The following AKR1C4 variants were observed in gnomAD, a reference collection of about 807,000 sequenced individuals.
The protein encoded by AKR1C4 is 3-alpha-HSD1.
A neutral mutation model predicts 41.0 loss-of-function variants in AKR1C4; 44 were observed. That is an observed-to-expected ratio of 1.07 (90% CI 0.84 to 1.38). The LOEUF is 1.38. AKR1C4 is among the 40% of genes most tolerant of loss of function. The pLI, the probability that AKR1C4 is intolerant of heterozygous loss-of-function variation, is 0.00. For missense variants in AKR1C4, 438 were observed against 387.9 expected (o/e 1.13, Z -1.09); for synonymous variants, 165 against 137.7 (o/e 1.20, Z -1.39).
intron 1 of AKR1C4, among the ~76,000 whole-genome samples, 173 bp from the exon 2 acceptor site, chr10:5,200,008 T>G (rs61854739): frequency 0.12 from 18,374 of 152,166 alleles, 1,336 homozygotes; most frequent in Admixed American, 0.18. Flanking sequence ...CAACGGGTCA[T>G]AGTCCCACAA....
At chr10:5,209,123 C>T (rs1832531962) in intron 5 of AKR1C4, among the ~76,000 whole-genome samples, 1 of 152,098 alleles carries the variant, frequency 6.6e-6, no homozygotes, top group African/African-American at 2.4e-5. Flanking sequence ...ACAGATTGTC[C>T]CACAATTAGT....
At chr10:5,212,569 T>A in intron 5 of AKR1C4, 47 bp from the exon 6 acceptor site, 1 of 1,491,970 alleles carries the variant, frequency 6.7e-7, no homozygotes, top group Non-Finnish European at 9.2e-7. Flanking sequence ...TATATTAACA[T>A]ATCTGTTTTG....
At position 5,200,300 on chromosome 10, in the gene AKR1C4, G is replaced by A. The variant is rs1344506244; in HGVS notation, c.204G>A (p.Lys68=). The change falls in exon 2 of 9, where the codon AAG becomes AAA. Residue 68 remains lysine, a synonymous_variant. Transcript: ENST00000263126. ...AGGTTGGACTGGCCATCCGAAGCAAGATTGCAGATGGCAGTGTGAAGAGAG... is the reference window on the plus strand; with the variant it reads ...AGGTTGGACTGGCCATCCGAAGCAAAATTGCAGATGGCAGTGTGAAGAGAG... The part of the protein sequence containing the change: ...EEQVGLAIRS[K]IADGSVKRED... 3 of 1,614,206 alleles carry A rather than the reference G, an allele frequency of 1.9e-6. No homozygotes were observed. Among genetic ancestry groups the A allele is most frequent in the Non-Finnish European group, 2.5e-6 (3 of 1,180,006 alleles).
intron 8 of AKR1C4, 45 bp from the exon 9 acceptor site, chr10:5,218,673 A>G (rs1486080054): frequency 6.7e-7 from 1 of 1,485,808 alleles, no homozygotes; most frequent in African/African-American, 1.4e-5. Context: ...GCTTTTTAAT[A>G]GAGTCATTTC....
chr10:5,202,939 T>TTGTGTGTGTGTGTG lies in AKR1C4; in HGVS notation c.253-1408_253-1395dup, dbSNP rs57414547. ...AGGGAGATTGGTCTATAGTTTTCTTTTGTGTGTGTGTGTGTGTGTGTGTGT... is the reference window on the plus strand; with the variant it reads ...AGGGAGATTGGTCTATAGTTTTCTTTTGTGTGTGTGTGTGTGTGTGTGTGTGTGTGTGTGTGTGT... On this transcript the variant is annotated intron_variant, in intron 2 of 8. Coordinates refer to ENST00000263126, the MANE Select transcript of AKR1C4 (RefSeq NM_001818.5). 1.2e-3 allele frequency among the ~76,000 whole-genome samples: 172 copies of TTGTGTGTGTGTGTG among 139,252 alleles called. 1 individual carries two copies. The highest frequency in any genetic ancestry group is 7.3e-3 in the Middle Eastern group (2 of 274). 91.4% of individuals were successfully genotyped at this position (139,252 alleles called of 152,430 possible).
At chr10:5,213,444 G>A (rs782361240) in intron 7 of AKR1C4, among the ~76,000 whole-genome samples, 3 of 152,144 alleles carry the variant, frequency 2.0e-5, no homozygotes, top group African/African-American at 7.2e-5. Context: ...TTTCTGAAGT[G>A]AGGAGTTGGG....
At chr10:5,201,489 T>C (rs1486189085) in intron 2 of AKR1C4, among the ~76,000 whole-genome samples, 1 of 152,230 alleles carries the variant, frequency 6.6e-6, no homozygotes, top group Admixed American at 6.5e-5. Context: ...TCCTTGTAGA[T>C]TCTGGATAAT....
chr10:5,204,710 C>G, intron 3 of AKR1C4: 1 of 671,636 alleles, frequency 1.5e-6, no homozygotes, highest in Non-Finnish European at 2.7e-6. Flanking sequence ...GCCTCTGATT[C>G]AAAAATTCAA....
rs570675525 is a variant in AKR1C4, at chr10:5,212,153, G to A, written c.571-463G>A. The stretch of plus-strand genomic sequence containing the variant: ...CTGTCTTTTAACCACTCAACACTAT[G>A]AAGACATGGATTGTTTTGCTATAAT... On this transcript the variant is annotated intron_variant, in intron 5 of 8. Transcript: ENST00000263126. 2.6e-5 allele frequency among the ~76,000 whole-genome samples: 4 copies of A among 152,308 alleles called. No homozygotes were observed. The South Asian group carries it at 6.2e-4, about 24-fold the overall frequency.
At chr10:5,199,528 G>A (rs181068068) in intron 1 of AKR1C4, among the ~76,000 whole-genome samples, 1 of 152,188 alleles carries the variant, frequency 6.6e-6, no homozygotes, top group Admixed American at 6.5e-5. Flanking sequence ...AGACAGAACC[G>A]GGTGGACTTT....
chr10:5,207,503 CT>C lies in AKR1C4; in HGVS notation c.570+1109del, dbSNP rs1832508119. The C allele has an allele frequency of 1.2e-5, 5 of 431,486 alleles. No individual in the cohort carries two copies. In the East Asian group the frequency reaches 3.5e-4, roughly 30 times the overall value. The allele number at this position is 431,486 out of a possible 1,614,324, so 26.7% of individuals were successfully genotyped here. A position where few individuals can be genotyped will look rare whatever the true frequency, so the allele number is the denominator to read the frequency against. ...CAGGATGGAAGAAGTCAAAACTGAACTTTATAAAATAGGGTATAAGAAAATA... is the reference window on the plus strand; with the variant it reads ...CAGGATGGAAGAAGTCAAAACTGAACTTATAAAATAGGGTATAAGAAAATA... On this transcript the variant is annotated intron_variant, in intron 5 of 8. Coordinates refer to ENST00000263126, the MANE Select transcript of AKR1C4 (RefSeq NM_001818.5).
Position 5,218,348 on chromosome 10 carries a change from T to C in AKR1C4, c.930-370T>C, listed in dbSNP as rs181411676. On this transcript the variant is annotated intron_variant, in intron 8 of 8. Coordinates refer to ENST00000263126, the MANE Select transcript of AKR1C4 (RefSeq NM_001818.5). ...CAAAACTTTTTGTTAATGATGAACATATAGCTGGCTTATTTCTATTCAAAA... is the reference window on the plus strand; with the variant it reads ...CAAAACTTTTTGTTAATGATGAACACATAGCTGGCTTATTTCTATTCAAAA... Among the ~76,000 whole-genome samples, 235 of 152,340 alleles carry C rather than the reference T, an allele frequency of 1.5e-3. 5 individuals carry two copies. Among genetic ancestry groups the C allele is most frequent in the Admixed American group, 0.015 (232 of 15,306 alleles).
At chr10:5,202,183 T>C (rs1554796975) in intron 2 of AKR1C4, among the ~76,000 whole-genome samples, 2 of 152,198 alleles carry the variant, frequency 1.3e-5, no homozygotes, top group African/African-American at 4.8e-5. Flanking sequence ...TTTGTTTATG[T>C]ATCATTTCTT....
At chr10:5,215,905 C>T (rs1186836123) in intron 7 of AKR1C4, among the ~76,000 whole-genome samples, 2 of 152,178 alleles carry the variant, frequency 1.3e-5, no homozygotes, top group Non-Finnish European at 2.9e-5. Flanking sequence ...AGTTCTAAAG[C>T]CACTACCACA....
intron 5 of AKR1C4, among the ~76,000 whole-genome samples, chr10:5,211,926 T>A (rs1008456150): frequency 6.6e-6 from 1 of 152,144 alleles, no homozygotes; most frequent in Non-Finnish European, 1.5e-5. Context: ...GAAACCCATT[T>A]TTAAAATCAT....
chr10:5,205,030 C>A (rs1832463499), intron 3 of AKR1C4, among the ~76,000 whole-genome samples: 1 of 152,082 alleles, frequency 6.6e-6, no homozygotes, highest in Non-Finnish European at 1.5e-5. Flanking sequence ...TTGTGCATAA[C>A]TTTTAAATTT....
Position 5,200,391 on chromosome 10 carries a change from G to T in AKR1C4, c.252+43G>T, listed in dbSNP as rs367942424. ...AGCATGTATGCACATGTGTTTAATG[G>T]GATTGTGTGGAGATGACAATTCTGT... On this transcript the variant is annotated intron_variant, in intron 2 of 8. Transcript: ENST00000263126. The T allele has an allele frequency of 2.1e-4, 327 of 1,569,762 alleles. No homozygotes were observed. The Middle Eastern group carries it at 3.9e-3, about 19-fold the overall frequency.
chr10:5,212,016 G>A (rs1293384872), intron 5 of AKR1C4, among the ~76,000 whole-genome samples: 1 of 152,114 alleles, frequency 6.6e-6, no homozygotes, highest in Non-Finnish European at 1.5e-5. Context: ...TCTCCCCTGG[G>A]CCCCTCCTAC....
intron 8 of AKR1C4, among the ~76,000 whole-genome samples, chr10:5,218,037 TAA>T (rs1554798753): frequency 6.6e-6 from 1 of 152,200 alleles, no homozygotes; most frequent in African/African-American, 2.4e-5. Context: ...AGGAAAATAG[TAA>T]AATAGAAAAT....
Sources: gnomAD v4.1 joint callset for allele counts (sites outside exome capture counted in the v4.1 genomes callset) on GRCh38, gnomAD v4.1.1 for gene constraint, MANE v1.5 for transcripts, NCBI Gene and HGNC (gene_info 2026-07-23, HGNC 2026-07-21) for gene names.